Variants in OAS2 observed in about 807,000 individuals in gnomAD.
OAS2 encodes the protein 2'-5'-oligoadenylate synthetase 2.
In OAS2, 67 loss-of-function variants were observed where a neutral mutation model predicts 71.3. That is an observed-to-expected ratio of 0.94 (90% CI 0.77 to 1.15). The LOEUF (loss-of-function observed/expected upper bound fraction) is 1.15. OAS2 is among the 50% of genes most tolerant of loss of function. OAS2 has a pLI of 0.00. For missense variants in OAS2, 789 were observed against 822.5 expected (o/e 0.96, Z 0.50); for synonymous variants, 327 against 321.8 (o/e 1.02, Z -0.17).
Position 112,978,713 on chromosome 12 carries a change from C to T in OAS2, c.105C>T (p.Asp35=). The T allele has an allele frequency of 6.2e-7, 1 of 1,614,156 alleles. No individual in the cohort carries two copies. The highest frequency in any genetic ancestry group is 8.5e-7 in the Non-Finnish European group (1 of 1,180,006). ...KPYEECQTLI[D]EMVNTICDVL... is the part of the protein sequence containing the mutation. ...ACGAAGAATGTCAGACACTGATCGA[C>T]GAGATGGTGAACACCATCTGTGACG... The change falls in exon 1 of 10, where the codon GAC becomes GAT. Residue 35 remains aspartate (D), a synonymous_variant. Transcript: ENST00000392583. The surrounding 1 kb of genome is among the most constrained non-coding windows in gnomAD (Gnocchi z 4.2).
In OAS2 at chr12:113,010,351, C is replaced by G; in HGVS notation, c.*1096C>G. 6.2e-7 allele frequency: 1 copy of G among 1,607,748 alleles called. No homozygotes were observed. Among genetic ancestry groups the G allele is most frequent in the Non-Finnish European group, 8.5e-7 (1 of 1,178,086 alleles). On this transcript the variant is annotated 3_prime_UTR_variant, in exon 10 of 10. Coordinates refer to ENST00000392583, the MANE Select transcript of OAS2 (RefSeq NM_002535.3). The stretch of plus-strand genomic sequence containing the variant: ...TGTAACTATTAGGAGACATTGCTCT[C>G]CCACGTATGTTTTTCTTTTTAGACA...
chr12:112,995,134 C>T (rs1444676987), intron 2 of OAS2, among the ~76,000 whole-genome samples, 162 bp from the exon 3 acceptor site: 1 of 152,192 alleles, frequency 6.6e-6, no homozygotes, highest in Non-Finnish European at 1.5e-5. Context: ...TGGGCCAAGT[C>T]ACCCTTCCCT....
rs200767248 is a variant in OAS2 at position 112,987,273 on chromosome 12, T to C, written c.413T>C (p.Ile138Thr). The C allele has an allele frequency of 6.2e-7, 1 of 1,613,998 alleles. No individual in the cohort carries two copies. The highest frequency in any genetic ancestry group is 1.3e-5 in the African/African-American group (1 of 74,996). ...TIQVFTKNQR[I>T]SFEVLAAFNA... ...CAGGTGTTCACAAAAAATCAGAGAA[T>C]CTCTTTCGAGGTGCTGGCCGCCTTC... The change falls in exon 2 of 10, where the codon ATC (isoleucine) becomes ACC (threonine). Residue 138 changes from isoleucine to threonine, a missense_variant. Physicochemically the swap from Ile to Thr is moderately conservative, Grantham distance 89. Coordinates refer to ENST00000392583, the MANE Select transcript of OAS2 (RefSeq NM_002535.3).
intron 2 of OAS2, among the ~76,000 whole-genome samples, chr12:112,989,143 T>C (rs2044168017): frequency 6.6e-6 from 1 of 152,188 alleles, no homozygotes; most frequent in South Asian, 2.1e-4. Context: ...AATTGAATCA[T>C]GGAGGCAGGT....
At chr12:112,997,303 G>C (rs951073027) in intron 3 of OAS2, among the ~76,000 whole-genome samples, 2 of 152,012 alleles carry the variant, frequency 1.3e-5, no homozygotes, top group African/African-American at 2.4e-5. Context: ...TGTGGGATGG[G>C]AGCAGTGGGT....
chr12:112,982,964 A>C (rs893812269), intron 1 of OAS2, among the ~76,000 whole-genome samples: 1 of 152,092 alleles, frequency 6.6e-6, no homozygotes, highest in African/African-American at 2.4e-5. Flanking sequence ...GTTCACATGT[A>C]GTTGTTCATC....
chr12:113,001,082 A>G (rs2044283207), intron 5 of OAS2, among the ~76,000 whole-genome samples: 1 of 152,128 alleles, frequency 6.6e-6, no homozygotes, highest in Non-Finnish European at 1.5e-5. Context: ...AGTGGCTCAC[A>G]CCTGTAATCC....
At chr12:112,996,441 G>A (rs902017420) in intron 3 of OAS2, among the ~76,000 whole-genome samples, 15 of 152,064 alleles carry the variant, frequency 9.9e-5, no homozygotes, top group East Asian at 1.9e-4. Context: ...AAATCTTGCC[G>A]AATCATTTCC....
chr12:112,984,697 T>C (rs140085339), intron 1 of OAS2, among the ~76,000 whole-genome samples: 54 of 152,356 alleles, frequency 3.5e-4, no homozygotes, highest in African/African-American at 1.2e-3. Context: ...TTTGTAATGA[T>C]AACATTTGAC....
intron 6 of OAS2, among the ~76,000 whole-genome samples, chr12:113,003,618 CCTT>C (rs912086730): frequency 6.6e-6 from 1 of 152,134 alleles, no homozygotes; most frequent in Non-Finnish European, 1.5e-5. Context: ...CTTAGAATCT[CCTT>C]CTCCTTTGAG....
chr12:112,997,590 G>A lies in OAS2; in HGVS notation c.698G>A (p.Trp233Ter), dbSNP rs753518701. Residue 233 changes from tryptophan to a stop codon, truncating the protein, a stop_gained, in exon 4 of 10, where the codon TGG becomes TAG. Coordinates refer to ENST00000392583, the MANE Select transcript of OAS2 (RefSeq NM_002535.3). LOFTEE classifies it high-confidence loss of function. The stretch of plus-strand genomic sequence containing the variant: ...CTGGAGCTGCTTACGGTGTATGCCT[G>A]GGAACAGGGGTGCAGAAAAGACAAC... ...YALELLTVYAWEQGCRKDNFD... is the reference protein window; with the variant it reads ...YALELLTVYA The A allele has an allele frequency of 1.9e-6, 3 of 1,614,042 alleles. No individual in the cohort carries two copies. The highest frequency in any genetic ancestry group is 1.7e-6 in the Non-Finnish European group (2 of 1,180,012).
Position 113,009,557 on chromosome 12 carries a change from T to A in OAS2, c.*302T>A. ...TCAAACGTTCCCCTGGGTTCACAGATCTTTCTGCCTTTGGCTTTTGGCTCC... is the reference window on the plus strand; with the variant it reads ...TCAAACGTTCCCCTGGGTTCACAGAACTTTCTGCCTTTGGCTTTTGGCTCC... On this transcript the variant is annotated 3_prime_UTR_variant, in exon 10 of 10. Transcript: ENST00000392583. The A allele has an allele frequency of 9.3e-7, 1 of 1,073,876 alleles. No individual in the cohort carries two copies. Among genetic ancestry groups the A allele is most frequent in the Non-Finnish European group, 1.1e-6 (1 of 887,528 alleles). The allele number at this position is 1,073,876 out of a possible 1,614,324, so 66.5% of individuals were successfully genotyped here.
chr12:113,010,167 G>A lies in OAS2; in HGVS notation c.*912G>A, dbSNP rs2044367524. 7.6e-7 allele frequency: 1 copy of A among 1,310,486 alleles called. No homozygotes were observed. The highest frequency in any genetic ancestry group is 1.5e-5 in the African/African-American group (1 of 66,214). The allele number at this position is 1,310,486 out of a possible 1,614,324, so 81.2% of individuals were successfully genotyped here. ...TAGAGGAACCCTACACCCCAACCCT[G>A]GGGGGAATGTAGGGAAGAGGTGGCC... On this transcript the variant is annotated 3_prime_UTR_variant, in exon 10 of 10. Transcript: ENST00000392583.
Position 113,010,057 on chromosome 12 carries a change from C to G in OAS2, c.*802C>G, listed in dbSNP as rs776967989. On this transcript the variant is annotated 3_prime_UTR_variant, in exon 10 of 10. Transcript: ENST00000392583. ...GTTGAGCAGCATCTCTGGCCTGTAC[C>G]CAGTAGATGCCACCCAGTTGTGACA... The G allele has an allele frequency of 5.9e-6, 6 of 1,016,236 alleles. No homozygotes were observed. The highest frequency in any genetic ancestry group is 7.1e-6 in the Non-Finnish European group (6 of 843,762). 63.0% of individuals were successfully genotyped at this position (1,016,236 alleles called of 1,614,324 possible). A position where few individuals can be genotyped will look rare whatever the true frequency, so the allele number is the denominator to read the frequency against.
In OAS2 at chr12:112,978,813, T is replaced by A; in HGVS notation, c.177+28T>A. 1 of 1,584,186 alleles carries A rather than the reference T, an allele frequency of 6.3e-7. No individual in the cohort carries two copies. The highest frequency in any genetic ancestry group is 8.6e-7 in the Non-Finnish European group (1 of 1,162,900). On this transcript the variant is annotated intron_variant, in intron 1 of 9. Coordinates refer to ENST00000392583, the MANE Select transcript of OAS2 (RefSeq NM_002535.3). The surrounding 1 kb of genome is among the most constrained non-coding windows in gnomAD (Gnocchi z 4.2). ...GAGTCCAGGGCTGAGGTTGGGTCTCTGGGAGGCAGGAGATTCCACGGCGGC... is the reference window on the plus strand; with the variant it reads ...GAGTCCAGGGCTGAGGTTGGGTCTCAGGGAGGCAGGAGATTCCACGGCGGC...
chr12:112,995,497 A>G (rs1246604540), intron 3 of OAS2, 23 bp downstream of exon 3: 3 of 1,587,418 alleles, frequency 1.9e-6, no homozygotes, highest in African/African-American at 1.4e-5. Flanking sequence ...CTGTCTATAT[A>G]TGGTTATCAT....
chr12:113,006,370 C>G, intron 7 of OAS2, 43 bp from the exon 8 acceptor site: 1 of 1,431,574 alleles, frequency 7.0e-7, no homozygotes, highest in Non-Finnish European at 9.4e-7. Flanking sequence ...CTGTTACTTA[C>G]TATGTGTATT....
chr12:112,988,553 A>T, intron 2 of OAS2: 1 of 923,400 alleles, frequency 1.1e-6, no homozygotes, highest in South Asian at 5.0e-5. Context: ...GTTATAGTTC[A>T]CCATGTACAG....
chr12:113,002,903 C>G, intron 5 of OAS2, 29 bp from the exon 6 acceptor site: 1 of 1,609,758 alleles, frequency 6.2e-7, no homozygotes. Context: ...AGGTGCCACT[C>G]ACACTTGGGG....
Sources: gnomAD v4.1 joint callset for allele counts (sites outside exome capture counted in the v4.1 genomes callset) on GRCh38, gnomAD v4.1.1 for gene constraint, Gnocchi (gnomAD v3.1) non-coding constraint, MANE v1.5 for transcripts, NCBI Gene and HGNC (gene_info 2026-07-23, HGNC 2026-07-21) for gene names.